The following RYR3 variants were observed in gnomAD, a reference collection of about 807,000 sequenced individuals.
The protein encoded by RYR3 is ryanodine receptor 3.
Under a neutral mutation model 584.3 loss-of-function variants are expected in RYR3, and 207 were observed. The observed-to-expected ratio is 0.35, with a 90% CI of 0.32 to 0.40. The LOEUF is 0.40. Among genes scored for constraint, RYR3 ranks in the 10% least tolerant of loss-of-function variants. The pLI is 1.00. For missense variants in RYR3, 5,616 were observed against 6,089.2 expected (o/e 0.92, Z 2.59); for synonymous variants, 2,416 against 2,248.5 (o/e 1.07, Z -2.11).
chr15:33,492,655 A>G (rs902263766), intron 2 of RYR3, among the ~76,000 whole-genome samples: 1 of 152,144 alleles, frequency 6.6e-6, no homozygotes, highest in Admixed American at 6.5e-5. Flanking sequence ...CATGAACTGC[A>G]TGCAGCTAAT....
chr15:33,738,220 G>T (rs2069699118), intron 49 of RYR3, among the ~76,000 whole-genome samples: 1 of 152,146 alleles, frequency 6.6e-6, no homozygotes, highest in Admixed American at 6.5e-5. Flanking sequence ...ACATTAGGAG[G>T]CATAAGAATT....
At position 33,816,969 on chromosome 15, in the gene RYR3, AC is replaced by A. The variant is rs763946970; in HGVS notation, c.10599+12del. 1 of 1,527,834 alleles carries A rather than the reference AC, an allele frequency of 6.5e-7. No homozygotes were observed. The highest frequency in any genetic ancestry group is 9.0e-7 in the Non-Finnish European group (1 of 1,106,348). 94.6% of individuals were successfully genotyped at this position (1,527,834 alleles called of 1,614,324 possible). ...GTACAGGATTTGGCTGTAAGTACTG[AC>A]TCCCCTGGGAGCAGATATGAGTGTG... On this transcript the variant is annotated intron_variant, in intron 75 of 103. Transcript: ENST00000634891.
intron 28 of RYR3, among the ~76,000 whole-genome samples, chr15:33,645,522 C>T (rs908130559): frequency 2.0e-5 from 3 of 152,084 alleles, no homozygotes; most frequent in Non-Finnish European, 4.4e-5. Flanking sequence ...TCCTCCCTAA[C>T]CGTTACTTTA....
intron 38 of RYR3, among the ~76,000 whole-genome samples, chr15:33,681,740 A>T (rs2064636121): frequency 6.6e-6 from 1 of 152,216 alleles, no homozygotes; most frequent in Non-Finnish European, 1.5e-5. Flanking sequence ...AGCATTATAA[A>T]TTGCTTTCTA....
intron 1 of RYR3, among the ~76,000 whole-genome samples, chr15:33,379,643 ATG>A (rs147989530): frequency 0.058 from 7,612 of 131,558 alleles, 787 homozygotes; most frequent in African/African-American, 0.21. Context: ...ATTTATGTGT[ATG>A]TGTGTGTGTG....
chr15:33,690,582 C>T (rs897040194), intron 38 of RYR3, among the ~76,000 whole-genome samples: 1 of 152,172 alleles, frequency 6.6e-6, no homozygotes, highest in African/African-American at 2.4e-5. Context: ...CTGTAGCTTT[C>T]TAGGTTCATG....
intron 87 of RYR3, 71 bp downstream of exon 87, chr15:33,835,143 C>T (rs1323699008): frequency 1.7e-6 from 2 of 1,183,498 alleles, no homozygotes; most frequent in Non-Finnish European, 2.5e-6. Context: ...CTTGGTGTTC[C>T]CATTGTGATG....
chr15:33,686,119 C>T (rs896613080), intron 38 of RYR3, among the ~76,000 whole-genome samples: 3 of 152,024 alleles, frequency 2.0e-5, no homozygotes, highest in African/African-American at 7.2e-5. Flanking sequence ...AGATAAGAGA[C>T]ACAAAAAACC....
chr15:33,331,521 T>G (rs994969235), intron 1 of RYR3, among the ~76,000 whole-genome samples: 3 of 152,182 alleles, frequency 2.0e-5, no homozygotes, highest in African/African-American at 7.2e-5. Flanking sequence ...GTAATGACAG[T>G]GCCTCTAGCT....
chr15:33,381,753 A>T (rs1163831328), intron 1 of RYR3, among the ~76,000 whole-genome samples: 1 of 152,186 alleles, frequency 6.6e-6, no homozygotes, highest in South Asian at 2.1e-4. Flanking sequence ...CCAGGAGCAC[A>T]GTCTGTTGCT....
At chr15:33,645,646 C>A (rs1232835979) in intron 28 of RYR3, among the ~76,000 whole-genome samples, 2 of 152,164 alleles carry the variant, frequency 1.3e-5, no homozygotes, top group African/African-American at 4.8e-5. Context: ...CTATAGAGAG[C>A]AAAGAAGAGG....
intron 18 of RYR3, among the ~76,000 whole-genome samples, chr15:33,609,294 T>C (rs571523973): frequency 6.2e-4 from 95 of 152,298 alleles, no homozygotes; most frequent in Non-Finnish European, 1.1e-3. Context: ...GTAGGCTGGG[T>C]GTGGTAGCTC....
chr15:33,637,502 A>G (rs893713484), intron 27 of RYR3, among the ~76,000 whole-genome samples: 19 of 152,194 alleles, frequency 1.2e-4, no homozygotes, highest in Non-Finnish European at 2.8e-4. Context: ...GCTTCTGCCT[A>G]CCCAGGACAT....
At chr15:33,827,363 G>T in intron 85 of RYR3, 76 bp downstream of exon 85, 1 of 1,315,256 alleles carries the variant, frequency 7.6e-7, no homozygotes, top group Middle Eastern at 1.8e-4. Context: ...ACAGGGTCAG[G>T]GACAGCCCAG....
chr15:33,568,620 G>A (rs922165140), intron 12 of RYR3, among the ~76,000 whole-genome samples: 2 of 151,998 alleles, frequency 1.3e-5, no homozygotes, highest in Admixed American at 6.6e-5. Flanking sequence ...TTGTAGAGAT[G>A]GGGCCTCACT....
intron 17 of RYR3, among the ~76,000 whole-genome samples, chr15:33,601,872 T>C (rs2059680241): frequency 6.6e-6 from 1 of 152,234 alleles, no homozygotes; most frequent in South Asian, 2.1e-4. Context: ...CTTCATAATA[T>C]ATTCATATTT....
chr15:33,845,109 A>C (rs756575882), intron 93 of RYR3, 47 bp downstream of exon 93: 1 of 1,598,884 alleles, frequency 6.3e-7, no homozygotes, highest in South Asian at 1.1e-5. Context: ...TTGAGGAAGA[A>C]ATGTCCTTTT....
intron 80 of RYR3, 48 bp downstream of exon 80, chr15:33,821,650 T>C (rs1457737116): frequency 3.2e-6 from 5 of 1,551,848 alleles, no homozygotes; most frequent in Non-Finnish European, 3.6e-6. Context: ...GTATTCCCAT[T>C]TGACACCTGT....
chr15:33,415,743 G>A (rs1001509110), intron 1 of RYR3, among the ~76,000 whole-genome samples: 4 of 152,156 alleles, frequency 2.6e-5, no homozygotes, highest in Non-Finnish European at 4.4e-5. Context: ...GGGTACATGT[G>A]CAGCTTTGTT....
Sources: allele counts gnomAD v4.1 joint callset (sites outside exome capture counted in the v4.1 genomes callset), GRCh38; gene constraint gnomAD v4.1.1; transcripts MANE v1.5; gene names NCBI Gene and HGNC (gene_info 2026-07-23, HGNC 2026-07-21).